The following LOC128125818 variants were observed in gnomAD, a reference collection of about 807,000 sequenced individuals.
At chr4:6,067,372 G>T in the LOC128125818 span, among the ~76,000 whole-genome samples, 16 of 152,184 alleles carry the variant, frequency 1.1e-4, no homozygotes, top group African/African-American at 3.1e-4. This position sits in a 1 kb window ranked among gnomAD's most constrained non-coding sequence, Gnocchi z 4.6. Context: ...AGTCTCATTG[G>T]CAGGTACGTG....
chr4:6,068,120 C>T, the LOC128125818 span, among the ~76,000 whole-genome samples: 1 of 152,194 alleles, frequency 6.6e-6, no homozygotes, highest in South Asian at 2.1e-4. Context: ...TGCAGGACTA[C>T]CAGTTAAAGA....
chr4:6,067,981 TCAAGTTACA>T, the LOC128125818 span, among the ~76,000 whole-genome samples: 1 of 152,290 alleles, frequency 6.6e-6, no homozygotes, highest in Admixed American at 6.5e-5. This position sits in a 1 kb window ranked among gnomAD's most constrained non-coding sequence, Gnocchi z 4.6. Context: ...GGAAGCATCA[TCAAGTTACA>T]CACTTTCCAA....
the LOC128125818 span, among the ~76,000 whole-genome samples, chr4:6,067,700 A>C: frequency 1.3e-5 from 2 of 150,650 alleles, no homozygotes; most frequent in Admixed American, 6.6e-5. This position sits in a 1 kb window ranked among gnomAD's most constrained non-coding sequence, Gnocchi z 4.6. Flanking sequence ...TCTTCTGCAC[A>C]CACAGGTCAC....
the LOC128125818 span, among the ~76,000 whole-genome samples, chr4:6,066,759 T>G: frequency 6.6e-6 from 1 of 152,036 alleles, no homozygotes; most frequent in Admixed American, 6.6e-5. Flanking sequence ...TTCATCTTGG[T>G]CCCAGCCACC....
chr4:6,065,167 G>A, the LOC128125818 span, among the ~76,000 whole-genome samples: 1 of 152,218 alleles, frequency 6.6e-6, no homozygotes, highest in Admixed American at 6.5e-5. This position sits in a 1 kb window ranked among gnomAD's most constrained non-coding sequence, Gnocchi z 5.1. Context: ...CTGACTGGGT[G>A]GGATAAAAGG....
chr4:6,066,603 C>T, the LOC128125818 span, among the ~76,000 whole-genome samples: 1 of 152,154 alleles, frequency 6.6e-6, no homozygotes, highest in Non-Finnish European at 1.5e-5. Flanking sequence ...GCAGCAGCAG[C>T]TCATGCTTCA....
At chr4:6,068,314 G>A in the LOC128125818 span, among the ~76,000 whole-genome samples, 12 of 152,136 alleles carry the variant, frequency 7.9e-5, no homozygotes, top group Non-Finnish European at 1.2e-4. Flanking sequence ...TGGAGCCCCC[G>A]ACAGTATCAT....
At chr4:6,065,299 C>A in the LOC128125818 span, among the ~76,000 whole-genome samples, 397 of 152,356 alleles carry the variant, frequency 2.6e-3, 2 homozygotes, top group South Asian at 5.4e-3. This position sits in a 1 kb window ranked among gnomAD's most constrained non-coding sequence, Gnocchi z 5.1. Context: ...GAGCACCAGC[C>A]TCCTTCTCTA....
At chr4:6,066,088 G>A in the LOC128125818 span, among the ~76,000 whole-genome samples, 1 of 151,990 alleles carries the variant, frequency 6.6e-6, no homozygotes, top group African/African-American at 2.4e-5. Context: ...AATCAAAACT[G>A]AATTCCAGAG....
the LOC128125818 span, among the ~76,000 whole-genome samples, chr4:6,066,448 C>T: frequency 1.3e-5 from 2 of 152,162 alleles, no homozygotes; most frequent in African/African-American, 2.4e-5. Flanking sequence ...CACATTCCTC[C>T]TTGCTTTTTA....
the LOC128125818 span, among the ~76,000 whole-genome samples, chr4:6,065,279 T>G: frequency 1.3e-5 from 2 of 152,178 alleles, no homozygotes; most frequent in Non-Finnish European, 2.9e-5. The surrounding 1 kb of genome is among the most constrained non-coding windows in gnomAD (Gnocchi z 5.1). Flanking sequence ...TGCAAACCAC[T>G]TGGCCCCTGG....
the LOC128125818 span, among the ~76,000 whole-genome samples, chr4:6,065,446 T>C: frequency 6.6e-6 from 1 of 152,038 alleles, no homozygotes; most frequent in Non-Finnish European, 1.5e-5. The surrounding 1 kb of genome is among the most constrained non-coding windows in gnomAD (Gnocchi z 5.1). Flanking sequence ...GGGGACAGGG[T>C]CCAGGGAGAT....
chr4:6,070,020 GAACCTCA>G, the LOC128125818 span: 1 of 398,666 alleles, frequency 2.5e-6, no homozygotes, highest in Non-Finnish European at 4.4e-6. Context: ...GACCGCCAGA[GAACCTCA>G]AAACGCAAAA....
chr4:6,067,443 C>T, the LOC128125818 span, among the ~76,000 whole-genome samples: 2 of 152,188 alleles, frequency 1.3e-5, no homozygotes, highest in Non-Finnish European at 2.9e-5. The surrounding 1 kb of genome is among the most constrained non-coding windows in gnomAD (Gnocchi z 4.6). Context: ...TGGAGACAAT[C>T]ATCTACTCAA....
the LOC128125818 span, among the ~76,000 whole-genome samples, chr4:6,065,735 T>C: frequency 3.3e-5 from 5 of 152,248 alleles, no homozygotes; most frequent in Admixed American, 1.3e-4. The surrounding 1 kb of genome is among the most constrained non-coding windows in gnomAD (Gnocchi z 5.1). Flanking sequence ...TGACGGCCTC[T>C]GAGTTGCCCT....
At chr4:6,065,048 G>A in the LOC128125818 span, 2 of 1,612,784 alleles carry the variant, frequency 1.2e-6, no homozygotes, top group Non-Finnish European at 8.5e-7. The surrounding 1 kb of genome is among the most constrained non-coding windows in gnomAD (Gnocchi z 5.1). Flanking sequence ...AACGACTGAG[G>A]ATTGCCAGAG....
At chr4:6,068,236 A>G in the LOC128125818 span, among the ~76,000 whole-genome samples, 1 of 152,240 alleles carries the variant, frequency 6.6e-6, no homozygotes, top group Non-Finnish European at 1.5e-5. Context: ...ACAGGGCATT[A>G]ACTACCGATG....
At chr4:6,065,398 C>T in the LOC128125818 span, among the ~76,000 whole-genome samples, 6 of 152,228 alleles carry the variant, frequency 3.9e-5, no homozygotes, top group East Asian at 5.8e-4. The surrounding 1 kb of genome is among the most constrained non-coding windows in gnomAD (Gnocchi z 5.1). Flanking sequence ...CACTCCGTCA[C>T]GCTCCATGAG....
the LOC128125818 span, chr4:6,070,115 G>A: frequency 1.4e-4 from 56 of 398,912 alleles, no homozygotes; most frequent in African/African-American, 3.7e-4. Context: ...CCAGGGCACA[G>A]AGACACAGGA....
Sources: allele counts gnomAD v4.1 joint callset (sites outside exome capture counted in the v4.1 genomes callset), GRCh38; gene constraint gnomAD v4.1.1; non-coding constraint Gnocchi (gnomAD v3.1); transcripts MANE v1.5.